ATP4B: variants seen among roughly 807,000 people sequenced by gnomAD.
The protein encoded by ATP4B is potassium-transporting ATPase subunit beta.
ATP4B carries 27 observed loss-of-function variants against 35.3 expected under a neutral mutation model. The observed-to-expected ratio is 0.76, with a 90% CI of 0.56 to 1.05. ATP4B has a LOEUF of 1.05. Among genes scored for constraint, ATP4B ranks in the 50% least tolerant of loss-of-function variants. ATP4B has a pLI of 0.00. For synonymous variants in ATP4B, 162 were observed against 156.0 expected (o/e 1.04, Z -0.29); for missense variants, 375 against 384.8 (o/e 0.97, Z 0.21).
chr13:113,656,324 G>T (rs1017962727), intron 1 of ATP4B, among the ~76,000 whole-genome samples: 2 of 152,184 alleles, frequency 1.3e-5, no homozygotes, highest in African/African-American at 4.8e-5. Flanking sequence ...GGTCCTGTGG[G>T]TCTGCTCTGG....
In ATP4B at chr13:113,650,093, G is replaced by T. The variant is rs917807435; in HGVS notation, c.714+313C>A. On this transcript the variant is annotated intron_variant, in intron 6 of 6. Coordinates refer to ENST00000335288, the MANE Select transcript of ATP4B (RefSeq NM_000705.4). This position sits in a 1 kb window ranked among gnomAD's most constrained non-coding sequence, Gnocchi z 5.0. ...TGGGAGGATCACTTGAGCCCAGGTG[G>T]TTGAGGCTGCAATGAGCTAAGATGC... 6.6e-6 allele frequency among the ~76,000 whole-genome samples: 1 copy of T among 151,822 alleles called. No individual in the cohort carries two copies. Among genetic ancestry groups the T allele is most frequent in the Non-Finnish European group, 1.5e-5 (1 of 67,990 alleles).
Position 113,658,034 on chromosome 13 carries a change from C to T in ATP4B, c.111G>A (p.Trp37Ter). 23 of 1,598,748 alleles carry T rather than the reference C, an allele frequency of 1.4e-5. No individual in the cohort carries two copies. Among genetic ancestry groups the T allele is most frequent in the Non-Finnish European group, 2.0e-5 (23 of 1,174,246 alleles). Residue 37 changes from tryptophan to a stop codon, truncating the protein, a stop_gained and splice_region_variant, in exon 1 of 7, where the codon TGG (tryptophan) becomes TGA (stop). Coordinates refer to ENST00000335288, the MANE Select transcript of ATP4B (RefSeq NM_000705.4). LOFTEE classifies it high-confidence loss of function. ...AGCCGGCCCGCCCCCCGCACGTACC[C>T]CACCGGGACAGGGTGCGGCCCAGCA... ...GQMLGRTLSRWVWISLYYVAF... is the reference protein window; with the variant it reads ...GQMLGRTLSR
chr13:113,653,264 C>T (rs552041599), intron 3 of ATP4B, 57 bp downstream of exon 3: 29 of 1,533,956 alleles, frequency 1.9e-5, no homozygotes, highest in East Asian at 4.5e-5. Flanking sequence ...ACCCACCCGC[C>T]GCTTCACACC....
chr13:113,653,507 T>G, intron 2 of ATP4B, 73 bp from the exon 3 acceptor site: 1 of 1,397,900 alleles, frequency 7.2e-7, no homozygotes, highest in East Asian at 2.3e-5. Flanking sequence ...CTGAAGTGGC[T>G]GAGGATACGC....
chr13:113,649,169 T>A lies in ATP4B; in HGVS notation c.*205A>T. On this transcript the variant is annotated 3_prime_UTR_variant, in exon 7 of 7. Transcript: ENST00000335288. This position sits in a 1 kb window ranked among gnomAD's most constrained non-coding sequence, Gnocchi z 4.7. ...AGCAGCAAATTCCATCTAAAAACTGTAAGAATTCAACAAGGAAGAACTGAT... is the reference window on the plus strand; with the variant it reads ...AGCAGCAAATTCCATCTAAAAACTGAAAGAATTCAACAAGGAAGAACTGAT... 2.1e-6 allele frequency: 1 copy of A among 478,596 alleles called. No individual in the cohort carries two copies. The highest frequency in any genetic ancestry group is 3.6e-6 in the Non-Finnish European group (1 of 281,080). 29.6% of individuals were successfully genotyped at this position (478,596 alleles called of 1,614,324 possible).
chr13:113,652,776 C>A (rs770890534), intron 4 of ATP4B, 97 bp downstream of exon 4: 1 of 1,423,794 alleles, frequency 7.0e-7, no homozygotes, highest in South Asian at 1.2e-5. Context: ...CTTGGGCAAG[C>A]CCCAGACAGG....
At chr13:113,651,567 A>T in intron 5 of ATP4B, 104 bp downstream of exon 5, 2 of 1,291,386 alleles carry the variant, frequency 1.5e-6, no homozygotes, top group Non-Finnish European at 2.1e-6. Flanking sequence ...CCGACGGCTG[A>T]CATTCCTGGA....
chr13:113,651,485 C>T (rs985830893), intron 5 of ATP4B, among the ~76,000 whole-genome samples, 186 bp downstream of exon 5: 3 of 152,236 alleles, frequency 2.0e-5, no homozygotes, highest in Non-Finnish European at 4.4e-5. Context: ...CATTGTTTCC[C>T]TTGCTGGGTT....
intron 1 of ATP4B, among the ~76,000 whole-genome samples, chr13:113,655,909 G>A (rs181647538): frequency 2.0e-3 from 301 of 152,370 alleles, no homozygotes; most frequent in African/African-American, 6.8e-3. Context: ...AGAGGCTGTG[G>A]CCTGTGGACT....
intron 1 of ATP4B, 123 bp from the exon 2 acceptor site, chr13:113,655,065 C>G: frequency 3.0e-6 from 4 of 1,347,366 alleles, no homozygotes; most frequent in Admixed American, 2.2e-5. Context: ...AGAACATTCT[C>G]CTCCCCCAAA....
At chr13:113,651,611 G>A (rs962552375) in intron 5 of ATP4B, 60 bp downstream of exon 5, 97 of 1,508,240 alleles carry the variant, frequency 6.4e-5, no homozygotes, top group Non-Finnish European at 8.4e-5. Flanking sequence ...GCATGAACCA[G>A]CACGACCCTG....
In ATP4B at chr13:113,658,197, C is replaced by T. The variant is rs932354347; in HGVS notation, c.-53G>A. 214 of 1,531,824 alleles carry T rather than the reference C, an allele frequency of 1.4e-4. 3 individuals carry two copies. The highest frequency in any genetic ancestry group is 5.1e-4 in the Middle Eastern group (3 of 5,912). 94.9% of individuals were successfully genotyped at this position (1,531,824 alleles called of 1,614,324 possible). A position where few individuals can be genotyped will look rare whatever the true frequency, so the allele number is the denominator to read the frequency against. On this transcript the variant is annotated 5_prime_UTR_variant, in exon 1 of 7. Coordinates refer to ENST00000335288, the MANE Select transcript of ATP4B (RefSeq NM_000705.4). ...GCTCCCTGCACCCTCTACGCCCAGA[C>T]TGAGGCCAGATGCCCACCTCTGGGC...
chr13:113,657,921 C>CG, intron 1 of ATP4B, 112 bp downstream of exon 1: 1 of 863,860 alleles, frequency 1.2e-6, no homozygotes, highest in Non-Finnish European at 1.8e-6. Context: ...CAGGCAGCAT[C>CG]GGGGTCTCAC....
In ATP4B at chr13:113,657,266, GA is replaced by G. The variant is rs1181356896; in HGVS notation, c.112+766del. Reference sequence around the variant, plus strand: ...GGCCTGACCTTCCCTGGGAGCCGGGGACGGCACCAGGCCAGCCAGTTCAGCC... The same window carrying G: ...GGCCTGACCTTCCCTGGGAGCCGGGGCGGCACCAGGCCAGCCAGTTCAGCC... On this transcript the variant is annotated intron_variant, in intron 1 of 6. Coordinates refer to ENST00000335288, the MANE Select transcript of ATP4B (RefSeq NM_000705.4). 4.6e-5 allele frequency among the ~76,000 whole-genome samples: 7 copies of G among 152,328 alleles called. No homozygotes were observed. The East Asian group carries it at 1.4e-3, about 29-fold the overall frequency.
chr13:113,651,711 G>A lies in ATP4B; in HGVS notation c.572C>T (p.Pro191Leu), dbSNP rs901530068. 2 of 1,613,756 alleles carry A rather than the reference G, an allele frequency of 1.2e-6. No homozygotes were observed. Among genetic ancestry groups the A allele is most frequent in the African/African-American group, 1.3e-5 (1 of 74,952 alleles). ...CACTCTGGGGGCCGAGCCGTTGCTG[G>A]GGAGGAACTTGACGATCTAGAAGGG... ...IKMNRIVKFLPSNGSAPRVDC... is the reference protein window; with the variant it reads ...IKMNRIVKFLLSNGSAPRVDC... The change falls in exon 5 of 7, where the codon CCC becomes CTC. Residue 191 changes from proline to leucine, a missense_variant. Coordinates refer to ENST00000335288, the MANE Select transcript of ATP4B (RefSeq NM_000705.4).
At position 113,650,573 on chromosome 13, in the gene ATP4B, G is replaced by C; in HGVS notation, c.613-66C>G. On this transcript the variant is annotated intron_variant, in intron 5 of 6. Transcript: ENST00000335288. The surrounding 1 kb of genome is among the most constrained non-coding windows in gnomAD (Gnocchi z 5.0). ...GTGTGTGCCGGTGTCTGTGTGTTGC[G>C]TTTGTGTGCGTGTGTGCACACACGC... The C allele has an allele frequency of 7.6e-7, 1 of 1,308,218 alleles. No individual in the cohort carries two copies. 81.0% of individuals were successfully genotyped at this position (1,308,218 alleles called of 1,614,324 possible).
intron 1 of ATP4B, among the ~76,000 whole-genome samples, chr13:113,655,996 G>A (rs910229008): frequency 2.6e-5 from 4 of 152,262 alleles, no homozygotes; most frequent in African/African-American, 7.2e-5. Context: ...GCTCAGGGCT[G>A]GGTCTTGCTC....
chr13:113,657,992 G>A, intron 1 of ATP4B, 41 bp downstream of exon 1: 1 of 1,511,554 alleles, frequency 6.6e-7, no homozygotes, highest in Non-Finnish European at 8.9e-7. Context: ...CCTCAGAGCG[G>A]CCCCCTCCAT....
rs1355549156 is a variant in ATP4B at position 113,648,832 on chromosome 13, A to G, written c.*542T>C. ...TTAAGGAAGCGTTTGGTTTTTATTT[A>G]ATTTCTCCCATATCAGGAAACACGA... is the stretch of plus-strand genomic sequence containing the variant. On this transcript the variant is annotated 3_prime_UTR_variant, in exon 7 of 7. Coordinates refer to ENST00000335288, the MANE Select transcript of ATP4B (RefSeq NM_000705.4). 1.3e-5 allele frequency: 2 copies of G among 152,126 alleles called. No homozygotes were observed. Among genetic ancestry groups the G allele is most frequent in the African/African-American group, 4.8e-5 (2 of 41,408 alleles). The allele number at this position is 152,126 out of a possible 1,614,324, so 9.4% of individuals were successfully genotyped here.
Sources: gnomAD v4.1 joint callset for allele counts (sites outside exome capture counted in the v4.1 genomes callset) on GRCh38, gnomAD v4.1.1 for gene constraint, Gnocchi (gnomAD v3.1) non-coding constraint, MANE v1.5 for transcripts, NCBI Gene and HGNC (gene_info 2026-07-23, HGNC 2026-07-21) for gene names.